The following C12orf42 variants were observed in gnomAD, a reference collection of about 807,000 sequenced individuals.
C12orf42 encodes the protein uncharacterized protein C12orf42.
C12orf42 carries 25 observed loss-of-function variants against 21.6 expected under a neutral mutation model. The ratio of observed to expected loss-of-function variants is 1.16; its 90% CI spans 0.84 to 1.62. The LOEUF (loss-of-function observed/expected upper bound fraction) is 1.62, where lower values mean the gene tolerates loss of function less well. Ranked by LOEUF, C12orf42 falls within the 40% of genes most tolerant of loss-of-function variation. C12orf42 has a pLI of 0.00. For missense variants in C12orf42, 483 were observed against 459.3 expected (o/e 1.05, Z -0.47); for synonymous variants, 174 against 175.0 (o/e 0.99, Z 0.05).
the C12orf42 span, among the ~76,000 whole-genome samples, chr12:103,112,026 C>A: frequency 2.6e-5 from 4 of 152,148 alleles, no homozygotes; most frequent in African/African-American, 9.7e-5. Flanking sequence ...GAGTTTTAGT[C>A]TGTGGTCTTA....
At chr12:103,348,624 C>T (rs146449233) in intron 4 of C12orf42, among the ~76,000 whole-genome samples, 1 of 152,214 alleles carries the variant, frequency 6.6e-6, no homozygotes, top group Admixed American at 6.5e-5. Context: ...CTTGAAGGCT[C>T]AGAAAAACCT....
the C12orf42 span, among the ~76,000 whole-genome samples, chr12:103,212,003 CTTAAG>C: frequency 2.0e-5 from 3 of 152,040 alleles, no homozygotes; most frequent in African/African-American, 7.2e-5. Context: ...AAAATTTTAT[CTTAAG>C]TTTTCTTCTA....
intron 10 of C12orf42, among the ~76,000 whole-genome samples, chr12:103,240,421 A>T (rs1173400351): frequency 6.6e-6 from 1 of 152,200 alleles, no homozygotes; most frequent in Non-Finnish European, 1.5e-5. Flanking sequence ...CATGCTAGCA[A>T]GTCATGATGC....
the C12orf42 span, among the ~76,000 whole-genome samples, chr12:103,224,787 G>T: frequency 6.6e-6 from 1 of 152,136 alleles, no homozygotes; most frequent in African/African-American, 2.4e-5. Context: ...TGAGGGCTAG[G>T]CTAAAACAGT....
chr12:103,507,105 A>T, the C12orf42 span, among the ~76,000 whole-genome samples: 1 of 14,604 alleles, frequency 6.8e-5, no homozygotes, highest in African/African-American at 1.0e-3. Flanking sequence ...TATATATATA[A>T]TATAAATATA....
rs558076119 is a variant in C12orf42, at chr12:103,483,360, C to G, written c.-21-4913G>C. Among the ~76,000 whole-genome samples, 37 of 152,156 alleles carry G rather than the reference C, an allele frequency of 2.4e-4. 1 individual carries two copies. Among genetic ancestry groups the G allele is most frequent in the African/African-American group, 8.7e-4 (36 of 41,488 alleles). ...CTCTACTCTCAATTTTGTTGTGAAC[C>G]TAAAACAGCTCTAAAAAAATAAAAA... is the stretch of plus-strand genomic sequence containing the variant. On this transcript the variant is annotated intron_variant, in intron 1 of 5. Transcript: ENST00000548883.
chr12:103,540,647 A>G, the C12orf42 span, among the ~76,000 whole-genome samples: 1 of 152,028 alleles, frequency 6.6e-6, no homozygotes, highest in Non-Finnish European at 1.5e-5. Flanking sequence ...TTTCCTATCC[A>G]TTTATCTCCA....
chr12:103,268,632 A>G (rs925426662), exon 7 of C12orf42: 1 of 152,070 alleles, frequency 6.6e-6, no homozygotes, highest in African/African-American at 2.4e-5. Flanking sequence ...AGGACTTGGT[A>G]TTGATTTTTC....
the C12orf42 span, among the ~76,000 whole-genome samples, chr12:103,192,079 CACAA>C: frequency 6.6e-6 from 1 of 151,900 alleles, no homozygotes; most frequent in Non-Finnish European, 1.5e-5. Flanking sequence ...AACAAAAGAA[CACAA>C]ACAGACAAAA....
chr12:103,215,719 C>T, the C12orf42 span, among the ~76,000 whole-genome samples: 1 of 152,208 alleles, frequency 6.6e-6, no homozygotes, highest in Non-Finnish European at 1.5e-5. Context: ...GTGCACCCTC[C>T]AACCTAGCTC....
the C12orf42 span, among the ~76,000 whole-genome samples, chr12:103,196,597 G>A: frequency 6.6e-6 from 1 of 151,974 alleles, no homozygotes; most frequent in Admixed American, 6.6e-5. Context: ...ATGAATCTAG[G>A]TGCTCTAGTG....
the C12orf42 span, among the ~76,000 whole-genome samples, chr12:103,058,276 G>T: frequency 6.6e-6 from 1 of 152,002 alleles, no homozygotes; most frequent in Non-Finnish European, 1.5e-5. Flanking sequence ...TTTCATGTTT[G>T]TTGGCTGCAT....
At chr12:103,545,566 A>C in the C12orf42 span, among the ~76,000 whole-genome samples, 1 of 152,198 alleles carries the variant, frequency 6.6e-6, no homozygotes, top group South Asian at 2.1e-4. Context: ...GTGCAATAAA[A>C]TATTCTTCCA....
chr12:103,303,140 A>G (rs1185725689), intron 5 of C12orf42, among the ~76,000 whole-genome samples: 1 of 152,202 alleles, frequency 6.6e-6, no homozygotes, highest in African/African-American at 2.4e-5. Flanking sequence ...CATATCCACT[A>G]ATACTAATAA....
rs190913146 is a variant in C12orf42 at position 103,276,399 on chromosome 12, C to G, written n.398+751G>C. ...TAATCCTTGATAATTACTTACCACC[C>G]TCTGCACTAGGCCCAGCTCTAGAGA... On this transcript the variant is annotated intron_variant and non_coding_transcript_variant, in intron 5 of 6. Transcript: ENST00000546526. 3.3e-5 allele frequency among the ~76,000 whole-genome samples: 5 copies of G among 152,282 alleles called. No individual in the cohort carries two copies. The East Asian group carries it at 9.6e-4, about 29-fold the overall frequency.
At chr12:103,076,300 T>A in the C12orf42 span, among the ~76,000 whole-genome samples, 1 of 152,042 alleles carries the variant, frequency 6.6e-6, no homozygotes, top group Admixed American at 6.6e-5. Flanking sequence ...TTTTTTTTTT[T>A]TTTAAATAAG....
upstream of C12orf42, among the ~76,000 whole-genome samples, chr12:103,500,257 T>C (rs1196543590): frequency 6.6e-6 from 1 of 152,216 alleles, no homozygotes; most frequent in South Asian, 2.1e-4. Flanking sequence ...GTGAAGCATG[T>C]TTGAAAGATA....
At chr12:103,385,661 A>AT (rs2046550614) in intron 3 of C12orf42, among the ~76,000 whole-genome samples, 1 of 152,198 alleles carries the variant, frequency 6.6e-6, no homozygotes, top group South Asian at 2.1e-4. Flanking sequence ...AGAATGATCC[A>AT]TTTTTGTTTA....
the C12orf42 span, chr12:103,081,630 G>A: frequency 6.6e-6 from 1 of 152,108 alleles, no homozygotes; most frequent in Non-Finnish European, 1.5e-5. Flanking sequence ...AGTTTGTCTG[G>A]GTATAGAATT....
Sources: gnomAD v4.1 joint callset for allele counts (sites outside exome capture counted in the v4.1 genomes callset) on GRCh38, gnomAD v4.1.1 for gene constraint, MANE v1.5 for transcripts, NCBI Gene and HGNC (gene_info 2026-07-23, HGNC 2026-07-21) for gene names.